OR1M1: variants seen among roughly 807,000 people sequenced by gnomAD.
OR1M1 encodes olfactory receptor family 1 subfamily M member 1.
For synonymous variants in OR1M1, 157 were observed against 165.5 expected (o/e 0.95, Z 0.39); for missense variants, 397 against 401.8 (o/e 0.99, Z 0.10).
At position 9,095,052 on chromosome 19, in the gene OR1M1, C is replaced by T. The variant is rs749080018; in HGVS notation, c.*866C>T. ...CTCCTGACCTCAAATGATCCACCCA[C>T]CTTGGCCTCCCAAAGTGCTGGGATT... On this transcript the variant is annotated 3_prime_UTR_variant, in exon 2 of 2. Coordinates refer to ENST00000641627, the MANE Select transcript of OR1M1 (RefSeq NM_001004456.2). 1 of 152,400 alleles carries T rather than the reference C, an allele frequency of 6.6e-6. No individual in the cohort carries two copies. The highest frequency in any genetic ancestry group is 2.4e-5 in the African/African-American group (1 of 41,462). 9.4% of individuals were successfully genotyped at this position (152,400 alleles called of 1,614,324 possible).
In OR1M1 at chr19:9,094,436, G is replaced by C. The variant is rs1031579113; in HGVS notation, c.*250G>C. 1.5e-5 allele frequency: 5 copies of C among 342,378 alleles called. No homozygotes were observed. In the Admixed American group the frequency reaches 2.2e-4, roughly 15 times the overall value. The allele number at this position is 342,378 out of a possible 1,614,324, so 21.2% of individuals were successfully genotyped here. A position where few individuals can be genotyped will look rare whatever the true frequency, so the allele number is the denominator to read the frequency against. Reference sequence around the variant, plus strand: ...GACAGGGTCTCACTAATTTGGCCAGGCTGGTCTGGAACTCCTGGGCTCAAG... The same window carrying C: ...GACAGGGTCTCACTAATTTGGCCAGCCTGGTCTGGAACTCCTGGGCTCAAG... On this transcript the variant is annotated 3_prime_UTR_variant, in exon 2 of 2. Transcript: ENST00000641627.
Position 9,095,033 on chromosome 19 carries a change from A to G in OR1M1, c.*847A>G, listed in dbSNP as rs28473535. ...GGGCCAGGCTGTTCTCGACCTCCTG[A>G]CCTCAAATGATCCACCCACCTTGGC... On this transcript the variant is annotated 3_prime_UTR_variant, in exon 2 of 2. Transcript: ENST00000641627. 0.27 allele frequency: 41,708 copies of G among 152,106 alleles called. 6,594 individuals carry two copies. The highest frequency in any genetic ancestry group is 0.59 in the East Asian group (3,009 of 5,140). 9.4% of individuals were successfully genotyped at this position (152,106 alleles called of 1,614,324 possible). A position where few individuals can be genotyped will look rare whatever the true frequency, so the allele number is the denominator to read the frequency against.
rs992037505 is a variant in OR1M1 at position 9,089,300 on chromosome 19, A to T, written c.-14+2143A>T. On this transcript the variant is annotated intron_variant, in intron 1 of 1. Coordinates refer to ENST00000641627, the MANE Select transcript of OR1M1 (RefSeq NM_001004456.2). ...ATGTGAGTGAGAACATGCAGTGTTT[A>T]ACTTTCTGTTCCTGGCTTATTTCAT... 5.3e-5 allele frequency among the ~76,000 whole-genome samples: 8 copies of T among 152,158 alleles called. 1 individual carries two copies. The highest frequency in any genetic ancestry group is 1.2e-4 in the Non-Finnish European group (8 of 68,006).
Position 9,093,115 on chromosome 19 carries a change from T to C in OR1M1, c.-13-117T>C, listed in dbSNP as rs545769643. 677 of 595,444 alleles carry C rather than the reference T, an allele frequency of 1.1e-3. 4 individuals carry two copies. In the African/African-American group the frequency reaches 0.012, roughly 11 times the overall value. 36.9% of individuals were successfully genotyped at this position (595,444 alleles called of 1,614,324 possible). ...ACACACACACACACACACACATATA[T>C]ATATATACACATCTGGTCTCATAAT... On this transcript the variant is annotated intron_variant, in intron 1 of 1. Coordinates refer to ENST00000641627, the MANE Select transcript of OR1M1 (RefSeq NM_001004456.2).
At chr19:9,090,342 T>C (rs1467296104) in intron 1 of OR1M1, among the ~76,000 whole-genome samples, 2 of 152,186 alleles carry the variant, frequency 1.3e-5, no homozygotes, top group African/African-American at 4.8e-5. Context: ...AACGAATGCG[T>C]GAGTGAATAA....
chr19:9,090,412 G>C (rs879885589), intron 1 of OR1M1, among the ~76,000 whole-genome samples: 5 of 152,166 alleles, frequency 3.3e-5, no homozygotes, highest in Admixed American at 6.5e-5. Context: ...AAATATAAAA[G>C]TAACATGATC....
chr19:9,092,927 A>G lies in OR1M1; in HGVS notation c.-13-305A>G, dbSNP rs903065278. ...AAAATATATATATATGTATATATAC[A>G]TAATATGTAATAATATATATAATAT... On this transcript the variant is annotated intron_variant, in intron 1 of 1. Transcript: ENST00000641627. 3.0e-4 allele frequency among the ~76,000 whole-genome samples: 45 copies of G among 148,922 alleles called. 1 individual carries two copies. The highest frequency in any genetic ancestry group is 1.1e-3 in the African/African-American group (43 of 40,782).
At chr19:9,090,915 C>A (rs944706587) in intron 1 of OR1M1, among the ~76,000 whole-genome samples, 4 of 151,536 alleles carry the variant, frequency 2.6e-5, no homozygotes, top group African/African-American at 9.7e-5. Context: ...GCCTGTAATC[C>A]CAGCACTTTG....
Position 9,093,496 on chromosome 19 carries a change from C to G in OR1M1, c.252C>G (p.Ser84Arg). Residue 84 changes from serine (S) to arginine (R), a missense_variant, in exon 2 of 2, where the codon AGC becomes AGG. By Grantham distance (110) the Ser-to-Arg change is moderately radical. Transcript: ENST00000641627. Reference sequence around the variant, plus strand: ...ACACCATCCCTAAGATGCTGGTGAGCCTTCAAACCGGGAGCAAGGCCATCT... The same window carrying G: ...ACACCATCCCTAAGATGCTGGTGAGGCTTCAAACCGGGAGCAAGGCCATCT... ...ATNTIPKMLV[S>R]LQTGSKAISY... is the part of the protein sequence containing the mutation. 2 of 1,614,124 alleles carry G rather than the reference C, an allele frequency of 1.2e-6. No individual in the cohort carries two copies. Among genetic ancestry groups the G allele is most frequent in the African/African-American group, 2.7e-5 (2 of 75,030 alleles).
At chr19:9,089,130 A>G (rs2050279476) in intron 1 of OR1M1, among the ~76,000 whole-genome samples, 1 of 152,212 alleles carries the variant, frequency 6.6e-6, no homozygotes, top group African/African-American at 2.4e-5. Context: ...ATAGAACACT[A>G]GAACTTATTC....
rs201641284 is a variant in OR1M1 at position 9,093,075 on chromosome 19, T to TACACACACACACAC, written c.-13-156_-13-155insCACACACACACACA. 8 of 459,856 alleles carry TACACACACACACAC rather than the reference T, an allele frequency of 1.7e-5. No homozygotes were observed. In the African/African-American group the frequency reaches 2.1e-4, roughly 12 times the overall value. 28.5% of individuals were successfully genotyped at this position (459,856 alleles called of 1,614,324 possible). A position where few individuals can be genotyped will look rare whatever the true frequency, so the allele number is the denominator to read the frequency against. ...TATACACACACACATATATATTCTATATATACACACACACACACACACACA... is the reference window on the plus strand; with the variant it reads ...TATACACACACACATATATATTCTATACACACACACACACATATACACACACACACACACACACA... On this transcript the variant is annotated intron_variant, in intron 1 of 1. Coordinates refer to ENST00000641627, the MANE Select transcript of OR1M1 (RefSeq NM_001004456.2).
At chr19:9,091,044 G>A (rs945294556) in intron 1 of OR1M1, among the ~76,000 whole-genome samples, 5 of 151,908 alleles carry the variant, frequency 3.3e-5, no homozygotes, top group Non-Finnish European at 5.9e-5. Context: ...GTGGGCGCCT[G>A]TAGTCCCAGC....
rs555173006 is a variant in OR1M1, at chr19:9,094,241, G to A, written c.*55G>A. The A allele has an allele frequency of 9.6e-7, 1 of 1,043,550 alleles. No individual in the cohort carries two copies. Among genetic ancestry groups the A allele is most frequent in the Non-Finnish European group, 1.4e-6 (1 of 716,994 alleles). The allele number at this position is 1,043,550 out of a possible 1,614,324, so 64.6% of individuals were successfully genotyped here. On this transcript the variant is annotated 3_prime_UTR_variant, in exon 2 of 2. Transcript: ENST00000641627. ...AGAATATATACATCTGGGAGTCTTG[G>A]GCTAACATCTGGAATTGCATGAGTT...
At chr19:9,091,678 A>G (rs2145904069) in intron 1 of OR1M1, among the ~76,000 whole-genome samples, 1 of 152,122 alleles carries the variant, frequency 6.6e-6, no homozygotes, top group Admixed American at 6.6e-5. Flanking sequence ...AAAAAAAACA[A>G]AGGAAGGAAG....
At chr19:9,090,781 C>T (rs572153500) in intron 1 of OR1M1, among the ~76,000 whole-genome samples, 3 of 152,032 alleles carry the variant, frequency 2.0e-5, no homozygotes, top group Non-Finnish European at 2.9e-5. Flanking sequence ...ATGAGGCTAG[C>T]TTAAGATTAG....
intron 1 of OR1M1, among the ~76,000 whole-genome samples, chr19:9,092,048 A>G (rs1270684216): frequency 7.7e-6 from 1 of 129,900 alleles, no homozygotes. Context: ...ACTTGGAACT[A>G]TAGGTGTCCA....
In OR1M1 at chr19:9,093,983, G is replaced by A; in HGVS notation, c.739G>A (p.Val247Met). Residue 247 changes from valine to methionine, a missense_variant, in exon 2 of 2, where the codon GTG becomes ATG. Val to Met is a conservative substitution (Grantham distance 21, BLOSUM62 1). Transcript: ENST00000641627. Reference sequence around the variant, plus strand: ...CTCCACCTGCAGCTCCCACCTGTCTGTGGTTGCTCTCTTCTATGGGACCAC... The same window carrying A: ...CTCCACCTGCAGCTCCCACCTGTCTATGGTTGCTCTCTTCTATGGGACCAC... ...AFSTCSSHLS[V>M]VALFYGTTIG... 2 of 1,614,170 alleles carry A rather than the reference G, an allele frequency of 1.2e-6. No individual in the cohort carries two copies. Among genetic ancestry groups the A allele is most frequent in the African/African-American group, 1.3e-5 (1 of 75,062 alleles).
rs560891702 is a variant in OR1M1 at position 9,093,079 on chromosome 19, T to TACACACACAC, written c.-13-131_-13-122dup. The TACACACACAC allele has an allele frequency of 9.1e-4, 369 of 406,552 alleles. 1 individual carries two copies. Among genetic ancestry groups the TACACACACAC allele is most frequent in the Non-Finnish European group, 1.2e-3 (267 of 230,586 alleles). 25.2% of individuals were successfully genotyped at this position (406,552 alleles called of 1,614,324 possible). A position where few individuals can be genotyped will look rare whatever the true frequency, so the allele number is the denominator to read the frequency against. On this transcript the variant is annotated intron_variant, in intron 1 of 1. Transcript: ENST00000641627. Reference sequence around the variant, plus strand: ...CACACACACATATATATTCTATATATACACACACACACACACACACACACA... The same window carrying TACACACACAC: ...CACACACACATATATATTCTATATATACACACACACACACACACACACACACACACACACA...
rs1377320116 is a variant in OR1M1 at position 9,093,472 on chromosome 19, C to T, written c.228C>T (p.Asn76=). The change falls in exon 2 of 2, where the codon AAC becomes AAT. Residue 76 remains asparagine (N), a synonymous_variant. Transcript: ENST00000641627. The stretch of plus-strand genomic sequence containing the variant: ...TGGTTGATTTCTGTCTGGCCACCAA[C>T]ACCATCCCTAAGATGCTGGTGAGCC... ...LSLVDFCLAT[N]TIPKMLVSLQ... The T allele has an allele frequency of 2.5e-6, 4 of 1,614,144 alleles. No homozygotes were observed. The South Asian group carries it at 3.3e-5, about 13-fold the overall frequency.
Sources: gnomAD v4.1 joint callset for allele counts (sites outside exome capture counted in the v4.1 genomes callset) on GRCh38, gnomAD v4.1.1 for gene constraint, MANE v1.5 for transcripts, NCBI Gene and HGNC (gene_info 2026-07-23, HGNC 2026-07-21) for gene names.